Variants in HNF4A observed in about 807,000 individuals in gnomAD.
HNF4A encodes the protein hepatocyte nuclear factor 4 alpha.
A neutral mutation model predicts 52.4 loss-of-function variants in HNF4A; 15 were observed. The observed-to-expected ratio is 0.29, with a 90% CI of 0.19 to 0.44. The LOEUF (loss-of-function observed/expected upper bound fraction) is 0.44. Ranked by LOEUF, HNF4A falls within the 20% of genes least tolerant of loss-of-function variation. The probability of loss-of-function intolerance (pLI) is 1.00; values close to 1 mark genes in which losing one functional copy is unlikely to be tolerated. For missense variants in HNF4A, 479 were observed against 647.2 expected (o/e 0.74, Z 2.82); for synonymous variants, 280 against 264.4 (o/e 1.06, Z -0.57).
At chr20:44,367,895 A>G (rs550819965) in intron 1 of HNF4A, among the ~76,000 whole-genome samples, 137 of 151,822 alleles carry the variant, frequency 9.0e-4, no homozygotes, top group African/African-American at 3.2e-3. Context: ...ACTCAAAACC[A>G]CGCAGCGCAT....
intron 7 of HNF4A, 116 bp downstream of exon 7, chr20:44,419,992 C>A: frequency 9.3e-7 from 1 of 1,069,926 alleles, no homozygotes; most frequent in Non-Finnish European, 1.4e-6. Context: ...TAACGACAGC[C>A]AGGAGAGGCC....
chr20:44,361,810 A>G (rs916511765), intron 1 of HNF4A, among the ~76,000 whole-genome samples: 1 of 152,172 alleles, frequency 6.6e-6, no homozygotes, highest in African/African-American at 2.4e-5. Context: ...GTGCCATGAT[A>G]AGGACAGCAA....
At chr20:44,425,906 C>T (rs1405833307) in intron 8 of HNF4A, among the ~76,000 whole-genome samples, 4 of 152,112 alleles carry the variant, frequency 2.6e-5, no homozygotes, top group Non-Finnish European at 4.4e-5. Flanking sequence ...GCAATCCTTC[C>T]GACTTGGCCT....
chr20:44,420,321 C>CA (rs902860135), intron 7 of HNF4A, among the ~76,000 whole-genome samples: 6 of 151,604 alleles, frequency 4.0e-5, no homozygotes, highest in Admixed American at 1.3e-4. Context: ...GACTCCATCT[C>CA]AAAAAAACAA....
chr20:44,358,524 C>T (rs1019050367), intron 1 of HNF4A, among the ~76,000 whole-genome samples: 4 of 152,134 alleles, frequency 2.6e-5, no homozygotes, highest in Non-Finnish European at 4.4e-5. Context: ...GCATGAGACT[C>T]ACTTGAACCT....
At chr20:44,392,667 T>C (rs1015175184) in intron 1 of HNF4A, among the ~76,000 whole-genome samples, 2 of 152,210 alleles carry the variant, frequency 1.3e-5, no homozygotes, top group African/African-American at 4.8e-5. Flanking sequence ...TTTAAAGGTT[T>C]CAGATGATTC....
intron 2 of HNF4A, 77 bp from the exon 3 acceptor site, chr20:44,407,304 G>A: frequency 9.1e-7 from 1 of 1,093,152 alleles, no homozygotes. Flanking sequence ...GGGTCAACTG[G>A]ATAGCCAGGG....
chr20:44,398,742 C>A (rs2063375682), upstream of HNF4A, among the ~76,000 whole-genome samples: 1 of 152,152 alleles, frequency 6.6e-6, no homozygotes, highest in South Asian at 2.1e-4. Context: ...CAGTGTCCAC[C>A]TAGTAGCTCT....
intron 1 of HNF4A, chr20:44,392,082 G>A (rs952958006): frequency 6.6e-6 from 1 of 152,136 alleles, no homozygotes; most frequent in African/African-American, 2.4e-5. Context: ...AACAGAGGAG[G>A]CCTGTCTTCA....
intron 9 of HNF4A, among the ~76,000 whole-genome samples, chr20:44,429,167 C>T (rs920180272): frequency 2.6e-5 from 4 of 152,174 alleles, no homozygotes; most frequent in African/African-American, 9.7e-5. Flanking sequence ...GCTGCTCCTT[C>T]TCCCAGGAAA....
In HNF4A at chr20:44,424,188, A is replaced by G; in HGVS notation, c.1063A>G (p.Ile355Val). 1 of 1,614,096 alleles carries G rather than the reference A, an allele frequency of 6.2e-7. No homozygotes were observed. Among genetic ancestry groups the G allele is most frequent in the Non-Finnish European group, 8.5e-7 (1 of 1,180,034 alleles). ...CATCACCTGGCAGATGATCGAGCAG[A>G]TCCAGTTCATCAAGCTCTTCGGCAT... The change falls in exon 8 of 10, where the codon ATC (isoleucine) becomes GTC (valine). Residue 355 changes from isoleucine (I) to valine (V), a missense_variant. Coordinates refer to ENST00000316099, the MANE Select transcript of HNF4A (RefSeq NM_000457.6).
intron 1 of HNF4A, among the ~76,000 whole-genome samples, chr20:44,359,677 C>T (rs6124636): frequency 0.16 from 24,605 of 152,148 alleles, 2,397 homozygotes; most frequent in Middle Eastern, 0.26. Flanking sequence ...AGCAGCATCC[C>T]TGGCCTTTAC....
intron 8 of HNF4A, chr20:44,424,671 A>T: frequency 4.0e-6 from 5 of 1,262,872 alleles, no homozygotes; most frequent in African/African-American, 1.5e-5. Flanking sequence ...TCCTCTTTAG[A>T]TAGGGGAGGC....
chr20:44,370,697 C>T lies in HNF4A; in HGVS notation c.49+14844C>T, dbSNP rs942507392. On this transcript the variant is annotated intron_variant, in intron 1 of 9. Transcript: ENST00000316673. Reference sequence around the variant, plus strand: ...AGAACAGTGCTTGACACACAGTAGGCGCCCCATAAGTATTTGCGGAATGAG... The same window carrying T: ...AGAACAGTGCTTGACACACAGTAGGTGCCCCATAAGTATTTGCGGAATGAG... 5.9e-5 allele frequency among the ~76,000 whole-genome samples: 9 copies of T among 152,292 alleles called. No individual in the cohort carries two copies. In the East Asian group the frequency reaches 1.7e-3, roughly 29 times the overall value.
intron 1 of HNF4A, among the ~76,000 whole-genome samples, chr20:44,359,066 C>T (rs1479402611): frequency 1.3e-5 from 2 of 152,134 alleles, no homozygotes; most frequent in African/African-American, 4.8e-5. Context: ...CTATAAACTC[C>T]GTGAGTTCTG....
At chr20:44,384,184 TTA>T (rs1555809747) in intron 1 of HNF4A, among the ~76,000 whole-genome samples, 7 of 127,626 alleles carry the variant, frequency 5.5e-5, no homozygotes, top group African/African-American at 2.0e-4. Context: ...TTTTTTTTTT[TTA>T]AATAAAGACC....
chr20:44,387,358 G>T (rs868856575), intron 1 of HNF4A, among the ~76,000 whole-genome samples: 5 of 145,278 alleles, frequency 3.4e-5, no homozygotes, highest in South Asian at 4.4e-4. Context: ...AGGCCCCCAA[G>T]ACAGGAAAGA....
intron 2 of HNF4A, among the ~76,000 whole-genome samples, chr20:44,406,935 G>T (rs753127388): frequency 1.3e-5 from 2 of 152,096 alleles, no homozygotes; most frequent in Non-Finnish European, 2.9e-5. Context: ...AACATTCAGG[G>T]CCCCACCCAT....
intron 1 of HNF4A, among the ~76,000 whole-genome samples, chr20:44,356,123 A>T (rs1048288206): frequency 4.6e-5 from 7 of 152,150 alleles, no homozygotes; most frequent in African/African-American, 1.7e-4. Flanking sequence ...CTTCCTGGGA[A>T]TGCATCTCAG....
Sources: gnomAD v4.1 joint callset for allele counts (sites outside exome capture counted in the v4.1 genomes callset) on GRCh38, gnomAD v4.1.1 for gene constraint, MANE v1.5 for transcripts, NCBI Gene and HGNC (gene_info 2026-07-23, HGNC 2026-07-21) for gene names.